Variants in ADK observed in about 807,000 individuals in gnomAD.
The protein encoded by ADK is N6,N6-dimethyladenosine kinase.
ADK carries 24 observed loss-of-function variants against 44.7 expected under a neutral mutation model. The ratio of observed to expected loss-of-function variants is 0.54; its 90% CI spans 0.39 to 0.76. The LOEUF (loss-of-function observed/expected upper bound fraction) is 0.76, where lower values mean the gene tolerates loss of function less well. Ranked by LOEUF, ADK falls within the 30% of genes least tolerant of loss-of-function variation. ADK has a pLI of 0.00. For missense variants in ADK, 321 were observed against 425.1 expected (o/e 0.76, Z 2.15); for synonymous variants, 128 against 142.6 (o/e 0.90, Z 0.73).
chr10:74,234,391 A>G (rs1009240203), intron 3 of ADK, among the ~76,000 whole-genome samples: 3 of 152,238 alleles, frequency 2.0e-5, no homozygotes, highest in Admixed American at 6.5e-5. Context: ...AACTTGGTTT[A>G]TATAAGAAAA....
chr10:74,548,193 G>C (rs1849906763), intron 7 of ADK, among the ~76,000 whole-genome samples: 1 of 151,936 alleles, frequency 6.6e-6, no homozygotes, highest in African/African-American at 2.4e-5. Flanking sequence ...TCTAGTGTTG[G>C]AAATTTTTAC....
intron 4 of ADK, among the ~76,000 whole-genome samples, chr10:74,348,938 T>C (rs1182325364): frequency 6.6e-6 from 1 of 151,672 alleles, no homozygotes; most frequent in African/African-American, 2.4e-5. Context: ...CTATGATTGA[T>C]TGGTGTACCT....
intron 3 of ADK, among the ~76,000 whole-genome samples, chr10:74,294,956 A>G (rs1346155254): frequency 5.3e-5 from 8 of 152,020 alleles, no homozygotes; most frequent in Non-Finnish European, 1.2e-4. Flanking sequence ...CCTGGGTTCA[A>G]GTGATTCTCC....
In ADK at chr10:74,549,247, C is replaced by T. The variant is rs374138371; in HGVS notation, c.726+23821C>T. Among the ~76,000 whole-genome samples, 35 of 152,118 alleles carry T rather than the reference C, an allele frequency of 2.3e-4. 1 individual carries two copies. Among genetic ancestry groups the T allele is most frequent in the Middle Eastern group, 6.8e-3 (2 of 292 alleles). ...CAGTGAGGGGGTATTCTTGAAAGAA[C>T]CTGATCAAGATAAATGTACATGGTG... On this transcript the variant is annotated intron_variant, in intron 7 of 10. Transcript: ENST00000539909.
rs139535150 is a variant in ADK at position 74,689,629 on chromosome 10, A to G, written c.965-18692A>G. ...AGATAATAGAACCTTGCCCTGTCCT[A>G]CCTAGGATCTTTGCTGCCATTCCTT... is the stretch of plus-strand genomic sequence containing the variant. On this transcript the variant is annotated intron_variant, in intron 10 of 10. Coordinates refer to ENST00000539909, the MANE Select transcript of ADK (RefSeq NM_006721.4). 7.2e-3 allele frequency among the ~76,000 whole-genome samples: 1,095 copies of G among 152,282 alleles called. 9 individuals carry two copies. Among genetic ancestry groups the G allele is most frequent in the African/African-American group, 0.026 (1,060 of 41,550 alleles).
chr10:74,303,413 A>G (rs369893511), intron 3 of ADK, among the ~76,000 whole-genome samples: 1 of 152,084 alleles, frequency 6.6e-6, no homozygotes, highest in East Asian at 1.9e-4. Context: ...GAGCAGATTT[A>G]TCATCTACCC....
intron 3 of ADK, among the ~76,000 whole-genome samples, chr10:74,298,564 G>A (rs984212982): frequency 6.6e-6 from 1 of 151,976 alleles, no homozygotes; most frequent in Non-Finnish European, 1.5e-5. Context: ...ACCAGCCTGC[G>A]CAACATAGTG....
chr10:74,377,908 A>T, intron 4 of ADK, among the ~76,000 whole-genome samples: 1 of 152,058 alleles, frequency 6.6e-6, no homozygotes, highest in Non-Finnish European at 1.5e-5. Flanking sequence ...GGCACTTAGG[A>T]TTTTACTTTA....
At chr10:74,217,648 T>C (rs1260721681) in intron 2 of ADK, among the ~76,000 whole-genome samples, 4 of 152,242 alleles carry the variant, frequency 2.6e-5, no homozygotes, top group Admixed American at 6.5e-5. Context: ...ACAACTCACA[T>C]GGCCGGGTAC....
chr10:74,215,201 A>T (rs1843965345), intron 2 of ADK, among the ~76,000 whole-genome samples: 2 of 152,240 alleles, frequency 1.3e-5, no homozygotes, highest in African/African-American at 4.8e-5. Context: ...AACTATGTTC[A>T]TGGTAAGAAT....
At chr10:74,495,209 A>G (rs536945739) in intron 6 of ADK, among the ~76,000 whole-genome samples, 58 of 152,196 alleles carry the variant, frequency 3.8e-4, no homozygotes, top group South Asian at 2.1e-4. Flanking sequence ...AATTTAGACA[A>G]TAAGTCAGTT....
At chr10:74,463,759 A>G (rs1260885308) in intron 6 of ADK, among the ~76,000 whole-genome samples, 2 of 152,116 alleles carry the variant, frequency 1.3e-5, no homozygotes, top group African/African-American at 4.8e-5. Flanking sequence ...TCTTGTGCAG[A>G]TTCGTCGTCT....
At chr10:74,501,681 A>C (rs1452085763) in intron 6 of ADK, among the ~76,000 whole-genome samples, 2 of 152,192 alleles carry the variant, frequency 1.3e-5, no homozygotes, top group African/African-American at 4.8e-5. Context: ...CATAAAAAAG[A>C]ATAAAGTACT....
intron 9 of ADK, among the ~76,000 whole-genome samples, chr10:74,606,425 A>G (rs912637886): frequency 6.6e-6 from 1 of 151,564 alleles, no homozygotes; most frequent in African/African-American, 2.4e-5. Flanking sequence ...TGTCCCAGAG[A>G]TTCGTTGGGT....
intron 1 of ADK, among the ~76,000 whole-genome samples, chr10:74,186,785 GGT>G (rs1456456893): frequency 2.6e-5 from 4 of 152,188 alleles, no homozygotes; most frequent in East Asian, 1.9e-4. Flanking sequence ...CACCCATTTT[GGT>G]GTGTGTATCA....
intron 2 of ADK, among the ~76,000 whole-genome samples, chr10:74,202,405 A>G (rs1843428962): frequency 6.6e-6 from 1 of 152,172 alleles, no homozygotes. Context: ...TCTATTAGGA[A>G]CAATGCTTCT....
intron 6 of ADK, among the ~76,000 whole-genome samples, chr10:74,411,187 C>G (rs988415288): frequency 6.6e-5 from 10 of 151,834 alleles, no homozygotes; most frequent in Admixed American, 2.0e-4. Context: ...TGCAGGTGTC[C>G]TTAACTGTTT....
intron 4 of ADK, among the ~76,000 whole-genome samples, chr10:74,350,245 A>G (rs1291462952): frequency 6.6e-6 from 1 of 152,224 alleles, no homozygotes; most frequent in Non-Finnish European, 1.5e-5. Flanking sequence ...TCAAATTAGA[A>G]CTGAGGATTA....
intron 9 of ADK, among the ~76,000 whole-genome samples, chr10:74,632,363 A>G (rs1276569491): frequency 1.3e-5 from 2 of 152,184 alleles, no homozygotes; most frequent in Non-Finnish European, 2.9e-5. Context: ...ACAAATTACC[A>G]CAAAGTGAGT....
Sources: allele counts gnomAD v4.1 joint callset (sites outside exome capture counted in the v4.1 genomes callset), GRCh38; gene constraint gnomAD v4.1.1; transcripts MANE v1.5; gene names NCBI Gene and HGNC (gene_info 2026-07-23, HGNC 2026-07-21).